Variants in GOLT1A observed in about 807,000 individuals in gnomAD.
GOLT1A encodes the protein golgi transport 1A.
In GOLT1A, 10 loss-of-function variants were observed where a neutral mutation model predicts 16.1. That is an observed-to-expected ratio of 0.62 (90% CI 0.38 to 1.05). GOLT1A has a LOEUF of 1.05. GOLT1A is among the 50% of genes least tolerant of loss of function. The pLI is 0.01. For missense variants in GOLT1A, 137 were observed against 165.7 expected, an observed-to-expected ratio of 0.83 and a Z score of 0.95; for synonymous variants, 60 against 67.9, an observed-to-expected ratio of 0.88 and a Z score of 0.57.
Position 204,202,879 on chromosome 1 carries a change from A to G in GOLT1A, c.117+17T>C. The stretch of plus-strand genomic sequence containing the variant: ...GGTTGGGGCAGGGGAGTGGGGACAC[A>G]GGGCTGGGAGACTCACGTTTCCAAA... On this transcript the variant is annotated intron_variant, in intron 2 of 4. Coordinates refer to ENST00000308302, the MANE Select transcript of GOLT1A (RefSeq NM_198447.2). The G allele has an allele frequency of 2.5e-6, 4 of 1,597,976 alleles. No homozygotes were observed. Among genetic ancestry groups the G allele is most frequent in the Non-Finnish European group, 3.4e-6 (4 of 1,165,494 alleles).
rs905972498 is a variant in GOLT1A at position 204,201,564 on chromosome 1, T to G, written c.296+69A>C. ...ATAAAGTCCCAGCTTCTGCACTCCC[T>G]GCTGGGGTGATCTCAGCCACTCAGA... On this transcript the variant is annotated intron_variant, in intron 3 of 4. Coordinates refer to ENST00000308302, the MANE Select transcript of GOLT1A (RefSeq NM_198447.2). 8.6e-6 allele frequency: 13 copies of G among 1,509,178 alleles called. No homozygotes were observed. In the African/African-American group the frequency reaches 1.8e-4, roughly 21 times the overall value. 93.5% of individuals were successfully genotyped at this position (1,509,178 alleles called of 1,614,324 possible). A position where few individuals can be genotyped will look rare whatever the true frequency, so the allele number is the denominator to read the frequency against.
chr1:204,213,868 C>T lies in GOLT1A; in HGVS notation c.25+14G>A. ...GCCTGGATAGCCCATTGCAGCCCCGCTCATCCCACTTACTCTGCCATTCGG... is the reference window on the plus strand; with the variant it reads ...GCCTGGATAGCCCATTGCAGCCCCGTTCATCCCACTTACTCTGCCATTCGG... On this transcript the variant is annotated intron_variant, in intron 1 of 4. Coordinates refer to ENST00000308302, the MANE Select transcript of GOLT1A (RefSeq NM_198447.2). 1.7e-5 allele frequency: 28 copies of T among 1,612,834 alleles called. No individual in the cohort carries two copies. Among genetic ancestry groups the T allele is most frequent in the Non-Finnish European group, 2.3e-5 (27 of 1,179,710 alleles).
Position 204,198,509 on chromosome 1 carries a change from A to G in GOLT1A, c.361-13T>C. ...GTCTCCGGAACAGCTGTGGGAGCCAAGAATCATTACTCCACACAAAGGGTA... is the reference window on the plus strand; with the variant it reads ...GTCTCCGGAACAGCTGTGGGAGCCAGGAATCATTACTCCACACAAAGGGTA... On this transcript the variant is annotated splice_polypyrimidine_tract_variant and intron_variant, in intron 4 of 4. Coordinates refer to ENST00000308302, the MANE Select transcript of GOLT1A (RefSeq NM_198447.2). 1 of 1,612,554 alleles carries G rather than the reference A, an allele frequency of 6.2e-7. No individual in the cohort carries two copies. Among genetic ancestry groups the G allele is most frequent in the Non-Finnish European group, 8.5e-7 (1 of 1,179,180 alleles).
In GOLT1A at chr1:204,213,867, G is replaced by A; in HGVS notation, c.25+15C>T. 2 of 1,612,420 alleles carry A rather than the reference G, an allele frequency of 1.2e-6. No individual in the cohort carries two copies. Among genetic ancestry groups the A allele is most frequent in the East Asian group, 2.2e-5 (1 of 44,840 alleles). ...GGCCTGGATAGCCCATTGCAGCCCC[G>A]CTCATCCCACTTACTCTGCCATTCG... On this transcript the variant is annotated intron_variant, in intron 1 of 4. Coordinates refer to ENST00000308302, the MANE Select transcript of GOLT1A (RefSeq NM_198447.2).
intron 1 of GOLT1A, among the ~76,000 whole-genome samples, chr1:204,203,721 A>G (rs1216304826): frequency 6.8e-6 from 1 of 148,140 alleles, no homozygotes; most frequent in Admixed American, 6.7e-5. Flanking sequence ...TCTTCGGCCA[A>G]CTCTCATTTC....
chr1:204,208,356 G>A (rs1206602220), intron 1 of GOLT1A, among the ~76,000 whole-genome samples: 27 of 131,372 alleles, frequency 2.1e-4, no homozygotes, highest in Non-Finnish European at 3.8e-4. Flanking sequence ...ACACATGTAT[G>A]TATATATGTG....
At chr1:204,207,892 AACAT>A (rs1028597319) in intron 1 of GOLT1A, among the ~76,000 whole-genome samples, 16 of 152,210 alleles carry the variant, frequency 1.1e-4, no homozygotes, top group African/African-American at 3.9e-4. Context: ...ACAGCCAACA[AACAT>A]GAAAAAATGC....
intron 1 of GOLT1A, among the ~76,000 whole-genome samples, chr1:204,211,025 C>A (rs773864604): frequency 2.1e-4 from 31 of 145,816 alleles, no homozygotes; most frequent in Non-Finnish European, 3.4e-4. Flanking sequence ...GCTAAGTTTT[C>A]TTTTCTTCTT....
At chr1:204,198,614 C>T in intron 4 of GOLT1A, 118 bp from the exon 5 acceptor site, 1 of 885,880 alleles carries the variant, frequency 1.1e-6, no homozygotes. Context: ...ACGAGAGGGG[C>T]TGTAGGGGCT....
At chr1:204,208,430 A>G (rs894719024) in intron 1 of GOLT1A, among the ~76,000 whole-genome samples, 2,162 of 60,454 alleles carry the variant, frequency 0.036, 51 homozygotes, top group Non-Finnish European at 0.058. Context: ...ATATGTGTAT[A>G]TGTATACATA....
chr1:204,202,900 CCAAAGGCCAGGAGCACGGAAT>C lies in GOLT1A; in HGVS notation c.92_112del (p.Asp31_Phe37del), dbSNP rs1392044892. 1 of 1,613,730 alleles carries C rather than the reference CCAAAGGCCAGGAGCACGGAAT, an allele frequency of 6.2e-7. No individual in the cohort carries two copies. The highest frequency in any genetic ancestry group is 1.1e-5 in the South Asian group (1 of 91,062). ...ACACAGGGCTGGGAGACTCACGTTT[CCAAAGGCCAGGAGCACGGAAT>C]CAAAGTACAGGAGTGTTCCAAAGAG... On this transcript the variant is annotated inframe_deletion, in exon 2 of 5. Coordinates refer to ENST00000308302, the MANE Select transcript of GOLT1A (RefSeq NM_198447.2).
rs546268894 is a variant in GOLT1A at position 204,207,856 on chromosome 1, G to C, written c.26-4869C>G. On this transcript the variant is annotated intron_variant, in intron 1 of 4. Transcript: ENST00000308302. ...CTCCTGGACACTAAGGACATGAATA[G>C]ACAATTCTCAAAAGAAGATATACAA... is the stretch of plus-strand genomic sequence containing the variant. Among the ~76,000 whole-genome samples the C allele has an allele frequency of 3.4e-4, 51 of 152,182 alleles. No homozygotes were observed. The South Asian group carries it at 0.01, about 30-fold the overall frequency.
Position 204,198,384 on chromosome 1 carries a change from T to C in GOLT1A, c.*74A>G. ...CGGGGAGTGAGTCAGTGCAGGGGAC[T>C]GAGGGGGTGGTTCCCATTCTCCCTC... On this transcript the variant is annotated 3_prime_UTR_variant, in exon 5 of 5. Coordinates refer to ENST00000308302, the MANE Select transcript of GOLT1A (RefSeq NM_198447.2). 2 of 1,377,664 alleles carry C rather than the reference T, an allele frequency of 1.5e-6. No individual in the cohort carries two copies. Among genetic ancestry groups the C allele is most frequent in the Non-Finnish European group, 2.1e-6 (2 of 967,698 alleles). The allele number at this position is 1,377,664 out of a possible 1,614,324, so 85.3% of individuals were successfully genotyped here.
At chr1:204,207,648 T>C (rs1024416064) in intron 1 of GOLT1A, among the ~76,000 whole-genome samples, 1 of 152,240 alleles carries the variant, frequency 6.6e-6, no homozygotes, top group African/African-American at 2.4e-5. Context: ...CCTTCTGGCC[T>C]CAGGCACGCA....
At chr1:204,202,318 C>G (rs1012087134) in intron 2 of GOLT1A, among the ~76,000 whole-genome samples, 1 of 151,266 alleles carries the variant, frequency 6.6e-6, no homozygotes, top group African/African-American at 2.4e-5. Context: ...AGGCTCTCAT[C>G]AAATTGAACT....
At position 204,213,338 on chromosome 1, in the gene GOLT1A, T is replaced by G. The variant is rs1460719222; in HGVS notation, c.25+544A>C. 2.6e-5 allele frequency among the ~76,000 whole-genome samples: 4 copies of G among 152,292 alleles called. No individual in the cohort carries two copies. In the South Asian group the frequency reaches 8.3e-4, roughly 32 times the overall value. On this transcript the variant is annotated intron_variant, in intron 1 of 4. Coordinates refer to ENST00000308302, the MANE Select transcript of GOLT1A (RefSeq NM_198447.2). ...AGATGAAAAACCAAGGCTCAGAGGCTTTAAGTAACTCACCCAAATGAAGCC... is the reference window on the plus strand; with the variant it reads ...AGATGAAAAACCAAGGCTCAGAGGCGTTAAGTAACTCACCCAAATGAAGCC...
chr1:204,201,924 C>T (rs1658970057), intron 2 of GOLT1A, 113 bp from the exon 3 acceptor site: 1 of 935,798 alleles, frequency 1.1e-6, no homozygotes, highest in Non-Finnish European at 1.6e-6. Flanking sequence ...CTGTTCAAGA[C>T]CATCTGAGCG....
At position 204,201,721 on chromosome 1, in the gene GOLT1A, A is replaced by T; in HGVS notation, c.208T>A (p.Phe70Ile). ...ACGATAACCACACCCCCCAGGAGGA[A>T]GCTGGTTCCCTTGAGTTTGTGCCGT... is the stretch of plus-strand genomic sequence containing the variant. ...FQRHKLKGTS[F>I]LLGGVVIVLL... is the part of the protein sequence containing the mutation. Residue 70 changes from phenylalanine (F) to isoleucine (I), a missense_variant, in exon 3 of 5, where the codon TTC (phenylalanine) becomes ATC (isoleucine). Transcript: ENST00000308302. 6.2e-7 allele frequency: 1 copy of T among 1,614,176 alleles called. No homozygotes were observed. Among genetic ancestry groups the T allele is most frequent in the African/African-American group, 1.3e-5 (1 of 75,038 alleles).
intron 1 of GOLT1A, among the ~76,000 whole-genome samples, chr1:204,210,215 C>A (rs1659117966): frequency 6.6e-6 from 1 of 152,172 alleles, no homozygotes; most frequent in Non-Finnish European, 1.5e-5. Context: ...TAGAACTGAC[C>A]ACTGCCGTGT....
Sources: allele counts gnomAD v4.1 joint callset (sites outside exome capture counted in the v4.1 genomes callset), GRCh38; gene constraint gnomAD v4.1.1; transcripts MANE v1.5; gene names NCBI Gene and HGNC (gene_info 2026-07-23, HGNC 2026-07-21).